PHACTR1: variants seen among roughly 807,000 people sequenced by gnomAD.
PHACTR1 encodes the protein phosphatase and actin regulator 1.
Under a neutral mutation model 69.2 loss-of-function variants are expected in PHACTR1, and 16 were observed. The ratio of observed to expected loss-of-function variants is 0.23; its 90% CI spans 0.16 to 0.35. The LOEUF (loss-of-function observed/expected upper bound fraction) is 0.35, where lower values mean the gene tolerates loss of function less well. PHACTR1 is among the 10% of genes least tolerant of loss of function. The probability of loss-of-function intolerance (pLI) is 1.00; values close to 1 mark genes in which losing one functional copy is unlikely to be tolerated. For synonymous variants in PHACTR1, 312 were observed against 284.5 expected (o/e 1.10, Z -0.97); for missense variants, 510 against 734.7 (o/e 0.69, Z 3.54).
chr6:12,866,067 T>C (rs188589210), intron 4 of PHACTR1, among the ~76,000 whole-genome samples: 4 of 152,292 alleles, frequency 2.6e-5, no homozygotes, highest in African/African-American at 9.6e-5. Context: ...TACAACTCTT[T>C]CAATTATGTT....
At chr6:12,980,767 G>A (rs1031405024) in intron 4 of PHACTR1, among the ~76,000 whole-genome samples, 4 of 152,344 alleles carry the variant, frequency 2.6e-5, no homozygotes, top group African/African-American at 9.6e-5. Flanking sequence ...GACAAAGACA[G>A]CCCGGAAGAG....
At chr6:12,907,172 C>A (rs1357785550) in intron 4 of PHACTR1, among the ~76,000 whole-genome samples, 1 of 152,160 alleles carries the variant, frequency 6.6e-6, no homozygotes, top group African/African-American at 2.4e-5. Context: ...GAACAATTGG[C>A]TTTTTCCGTT....
At chr6:12,947,604 G>A (rs1014774962) in intron 4 of PHACTR1, among the ~76,000 whole-genome samples, 5 of 152,182 alleles carry the variant, frequency 3.3e-5, no homozygotes, top group Non-Finnish European at 1.5e-5. Context: ...AGACGCTCCT[G>A]GGTTTGCATC....
At chr6:12,770,851 G>A (rs1291611696) in intron 4 of PHACTR1, among the ~76,000 whole-genome samples, 1 of 152,218 alleles carries the variant, frequency 6.6e-6, no homozygotes, top group Non-Finnish European at 1.5e-5. Context: ...GGGACCCAGT[G>A]TGGCTTCTTG....
intron 4 of PHACTR1, among the ~76,000 whole-genome samples, chr6:12,827,771 T>A (rs1292885655): frequency 2.6e-5 from 4 of 152,170 alleles, no homozygotes; most frequent in Admixed American, 6.6e-5. Context: ...GCAAGCATAC[T>A]AATGATATAA....
chr6:13,274,338 C>G (rs915709966), intron 11 of PHACTR1: 1 of 152,170 alleles, frequency 6.6e-6, no homozygotes, highest in African/African-American at 2.4e-5. Flanking sequence ...AGTTTCCAAG[C>G]TTAATATTCT....
intron 4 of PHACTR1, among the ~76,000 whole-genome samples, chr6:12,929,971 A>G (rs896409705): frequency 6.6e-6 from 1 of 152,178 alleles, no homozygotes; most frequent in Non-Finnish European, 1.5e-5. Context: ...CTTTTTTTAA[A>G]AATAAAATAT....
chr6:12,930,803 C>T (rs1035724041), intron 4 of PHACTR1, among the ~76,000 whole-genome samples: 1 of 152,082 alleles, frequency 6.6e-6, no homozygotes, highest in African/African-American at 2.4e-5. Context: ...GTAATCCCAA[C>T]ACTTTGGGAG....
intron 5 of PHACTR1, among the ~76,000 whole-genome samples, chr6:13,062,866 A>G (rs564720461): frequency 9.4e-4 from 143 of 152,314 alleles, no homozygotes; most frequent in African/African-American, 3.3e-3. Flanking sequence ...TGAAGACTCT[A>G]TGGCCCATCA....
At chr6:13,089,464 A>G (rs1445311099) in intron 5 of PHACTR1, among the ~76,000 whole-genome samples, 1 of 152,122 alleles carries the variant, frequency 6.6e-6, no homozygotes, top group African/African-American at 2.4e-5. Flanking sequence ...GTGTGCAGCC[A>G]GGAATACGTC....
chr6:12,838,231 G>C lies in PHACTR1; in HGVS notation c.250+88441G>C, dbSNP rs559879215. Among the ~76,000 whole-genome samples, 154 of 152,322 alleles carry C rather than the reference G, an allele frequency of 1.0e-3. 1 individual carries two copies. The highest frequency in any genetic ancestry group is 2.3e-3 in the Admixed American group (35 of 15,300). Reference sequence around the variant, plus strand: ...AGTCACAGTTCCTGCTCACACACAAGAGAAAAGGGTCACATGAGGGTATGA... The same window carrying C: ...AGTCACAGTTCCTGCTCACACACAACAGAAAAGGGTCACATGAGGGTATGA... On this transcript the variant is annotated intron_variant, in intron 4 of 14. Coordinates refer to ENST00000332995, the MANE Select transcript of PHACTR1 (RefSeq NM_030948.6).
intron 10 of PHACTR1, among the ~76,000 whole-genome samples, chr6:13,231,082 AGG>A (rs759216495): frequency 1.3e-3 from 14 of 10,836 alleles, no homozygotes; most frequent in African/African-American, 2.5e-3. Context: ...GAAGGAAGGA[AGG>A]AAGAAGGAAG....
At chr6:13,038,383 A>G (rs1406702933) in intron 4 of PHACTR1, among the ~76,000 whole-genome samples, 2 of 152,054 alleles carry the variant, frequency 1.3e-5, no homozygotes, top group African/African-American at 4.8e-5. Context: ...GGGAAATTCC[A>G]TAATTTAACT....
At chr6:13,212,538 T>C (rs1325376775) in intron 8 of PHACTR1, among the ~76,000 whole-genome samples, 1 of 152,202 alleles carries the variant, frequency 6.6e-6, no homozygotes, top group Non-Finnish European at 1.5e-5. Flanking sequence ...GTCTTTAATG[T>C]GGACAGGAAC....
At chr6:12,955,844 C>A (rs1319496484) in intron 4 of PHACTR1, among the ~76,000 whole-genome samples, 1 of 152,108 alleles carries the variant, frequency 6.6e-6, no homozygotes, top group Non-Finnish European at 1.5e-5. Flanking sequence ...AGTAGGAGAC[C>A]CGTCTTCTAA....
In PHACTR1 at chr6:13,275,474, C is replaced by T. The variant is rs1289650522; in HGVS notation, c.1447+2559C>T. The stretch of plus-strand genomic sequence containing the variant: ...CCACCCCTCAGAGTGACCTAAGAAA[C>T]GCACATAGGAGATGAAGGCTCCATG... On this transcript the variant is annotated intron_variant, in intron 11 of 14. Coordinates refer to ENST00000332995, the MANE Select transcript of PHACTR1 (RefSeq NM_030948.6). This position sits in a 1 kb window ranked among gnomAD's most constrained non-coding sequence, Gnocchi z 4.0. 2 of 152,062 alleles carry T rather than the reference C, an allele frequency of 1.3e-5. No homozygotes were observed. The highest frequency in any genetic ancestry group is 2.9e-5 in the Non-Finnish European group (2 of 68,042). 9.4% of individuals were successfully genotyped at this position (152,062 alleles called of 1,614,324 possible).
At chr6:13,224,405 G>A (rs1171594093) in intron 8 of PHACTR1, among the ~76,000 whole-genome samples, 1 of 152,252 alleles carries the variant, frequency 6.6e-6, no homozygotes, top group Non-Finnish European at 1.5e-5. Flanking sequence ...AGGTGATCAA[G>A]GGGTCAGTTG....
intron 10 of PHACTR1, chr6:13,267,838 GAAAAAAAAAAAA>G (rs558900640): frequency 4.3e-4 from 43 of 101,048 alleles, no homozygotes; most frequent in South Asian, 3.4e-3. Flanking sequence ...GGAATGATCT[GAAAAAAAAAAAA>G]AAAAAAAAAA....
intron 10 of PHACTR1, among the ~76,000 whole-genome samples, chr6:13,234,453 A>G (rs573525582): frequency 2.6e-5 from 4 of 152,186 alleles, no homozygotes; most frequent in Non-Finnish European, 5.9e-5. Flanking sequence ...CATGTGGCCA[A>G]GTCTGTGGTC....
Sources: allele counts gnomAD v4.1 joint callset (sites outside exome capture counted in the v4.1 genomes callset), GRCh38; gene constraint gnomAD v4.1.1; non-coding constraint Gnocchi (gnomAD v3.1); transcripts MANE v1.5; gene names NCBI Gene and HGNC (gene_info 2026-07-23, HGNC 2026-07-21).